The following PLEKHM3 variants were observed in gnomAD, a reference collection of about 807,000 sequenced individuals.
The protein encoded by PLEKHM3 is pleckstrin homology domain-containing family M member 3.
A neutral mutation model predicts 81.8 loss-of-function variants in PLEKHM3; 45 were observed. That is an observed-to-expected ratio of 0.55 (90% CI 0.43 to 0.71). PLEKHM3 has a LOEUF of 0.71. Ranked by LOEUF, PLEKHM3 falls within the 30% of genes least tolerant of loss-of-function variation. The pLI is 0.00. For missense variants in PLEKHM3, 788 were observed against 924.3 expected, an observed-to-expected ratio of 0.85 and a Z score of 1.91; for synonymous variants, 352 against 356.4, an observed-to-expected ratio of 0.99 and a Z score of 0.14.
At chr2:207,915,661 T>C (rs1357218175) in intron 5 of PLEKHM3, among the ~76,000 whole-genome samples, 1 of 152,160 alleles carries the variant, frequency 6.6e-6, no homozygotes, top group Non-Finnish European at 1.5e-5. Context: ...ACCCACAACA[T>C]ACACACATGT....
At chr2:207,980,518 T>A (rs1470423750) in intron 2 of PLEKHM3, among the ~76,000 whole-genome samples, 3 of 152,182 alleles carry the variant, frequency 2.0e-5, no homozygotes, top group Non-Finnish European at 4.4e-5. Flanking sequence ...TACATTAAAT[T>A]GAAACAGAAA....
intron 2 of PLEKHM3, among the ~76,000 whole-genome samples, chr2:207,978,464 C>CCT (rs1691401267): frequency 6.6e-6 from 1 of 152,072 alleles, no homozygotes; most frequent in Non-Finnish European, 1.5e-5. Flanking sequence ...TTTTATCTTC[C>CCT]CTCAGGTTGG....
At chr2:208,007,542 GC>G (rs1692536246) in intron 1 of PLEKHM3, among the ~76,000 whole-genome samples, 1 of 152,160 alleles carries the variant, frequency 6.6e-6, no homozygotes, top group South Asian at 2.1e-4. Context: ...TAGGTTTGAA[GC>G]AAACATTAAA....
rs1227652322 is a variant in PLEKHM3, at chr2:207,822,370, T to C, written c.*5949A>G. The stretch of plus-strand genomic sequence containing the variant: ...TAATTTTGAACCTGAAAAGGCTAAG[T>C]TCACTGACTTTACAGATTCAATTAT... On this transcript the variant is annotated 3_prime_UTR_variant, in exon 8 of 8. Coordinates refer to ENST00000427836, the MANE Select transcript of PLEKHM3 (RefSeq NM_001080475.3). 6.6e-6 allele frequency: 1 copy of C among 152,666 alleles called. No individual in the cohort carries two copies. Among genetic ancestry groups the C allele is most frequent in the East Asian group, 1.9e-4 (1 of 5,198 alleles). 9.5% of individuals were successfully genotyped at this position (152,666 alleles called of 1,614,324 possible).
intron 3 of PLEKHM3, among the ~76,000 whole-genome samples, chr2:207,963,420 A>G (rs1467808325): frequency 6.6e-6 from 1 of 152,226 alleles, no homozygotes; most frequent in Non-Finnish European, 1.5e-5. Context: ...GACACTGAAG[A>G]ATTGTAAAGA....
chr2:207,967,265 G>A (rs1426397654), intron 3 of PLEKHM3, among the ~76,000 whole-genome samples: 1 of 152,158 alleles, frequency 6.6e-6, no homozygotes, highest in Non-Finnish European at 1.5e-5. Context: ...AAAATGCTGA[G>A]ATTATTGACA....
Position 207,843,814 on chromosome 2 carries a change from G to A in PLEKHM3, c.2109-15318C>T, listed in dbSNP as rs1371177841. On this transcript the variant is annotated intron_variant, in intron 7 of 7. Coordinates refer to ENST00000427836, the MANE Select transcript of PLEKHM3 (RefSeq NM_001080475.3). This position sits in a 1 kb window ranked among gnomAD's most constrained non-coding sequence, Gnocchi z 4.4. ...GAAAAAAACGTGGAATTTGGGGCGG[G>A]AGTGGTGGCTCATGCCTGTAATCCC... Among the ~76,000 whole-genome samples the A allele has an allele frequency of 6.6e-6, 1 of 152,178 alleles. No individual in the cohort carries two copies. The highest frequency in any genetic ancestry group is 2.4e-5 in the African/African-American group (1 of 41,448).
chr2:207,965,601 C>A (rs531412053), intron 3 of PLEKHM3, among the ~76,000 whole-genome samples: 1 of 152,242 alleles, frequency 6.6e-6, no homozygotes, highest in South Asian at 2.1e-4. Flanking sequence ...ATAAAGTGAT[C>A]AAATCTCTTT....
intron 1 of PLEKHM3, among the ~76,000 whole-genome samples, chr2:208,021,747 G>A (rs938564582): frequency 1.3e-5 from 2 of 152,200 alleles, no homozygotes; most frequent in African/African-American, 2.4e-5. Flanking sequence ...GCACTGCCCC[G>A]TTGTGGCCCT....
At chr2:207,995,285 A>G (rs1692033581) in intron 2 of PLEKHM3, among the ~76,000 whole-genome samples, 1 of 152,200 alleles carries the variant, frequency 6.6e-6, no homozygotes, top group African/African-American at 2.4e-5. Flanking sequence ...GTTTTTCTGA[A>G]CCCATGATAG....
At chr2:207,943,242 T>C (rs1187150925) in intron 4 of PLEKHM3, among the ~76,000 whole-genome samples, 1 of 152,238 alleles carries the variant, frequency 6.6e-6, no homozygotes. Context: ...TATCCTGATT[T>C]AATTATTACA....
At chr2:207,934,972 T>C (rs538185448) in intron 4 of PLEKHM3, among the ~76,000 whole-genome samples, 65 of 152,320 alleles carry the variant, frequency 4.3e-4, no homozygotes, top group African/African-American at 1.5e-3. Flanking sequence ...AAGGGAATGT[T>C]TAACCATAGA....
intron 4 of PLEKHM3, among the ~76,000 whole-genome samples, chr2:207,943,673 C>T (rs1209072852): frequency 6.6e-6 from 1 of 151,756 alleles, no homozygotes; most frequent in Non-Finnish European, 1.5e-5. Context: ...TCGAGACCAT[C>T]CCGGCTAGAA....
chr2:207,921,695 G>A (rs1689188310), intron 5 of PLEKHM3, among the ~76,000 whole-genome samples: 1 of 152,090 alleles, frequency 6.6e-6, no homozygotes, highest in Non-Finnish European at 1.5e-5. Context: ...AGTGACCATT[G>A]TTCTACTCTC....
intron 1 of PLEKHM3, among the ~76,000 whole-genome samples, chr2:208,011,103 G>C (rs1692677223): frequency 6.6e-6 from 1 of 151,450 alleles, no homozygotes. Context: ...TGTTGGCGTG[G>C]ATGTGGTGAA....
At chr2:207,860,185 GTGTGT>G (rs1390385842) in intron 7 of PLEKHM3, among the ~76,000 whole-genome samples, 1 of 150,794 alleles carries the variant, frequency 6.6e-6, no homozygotes, top group African/African-American at 2.4e-5. Context: ...GTGTGTGTGT[GTGTGT>G]GTGTGTGTGT....
intron 1 of PLEKHM3, among the ~76,000 whole-genome samples, chr2:208,021,829 C>A (rs1432083734): frequency 6.6e-6 from 1 of 152,156 alleles, no homozygotes; most frequent in Non-Finnish European, 1.5e-5. Flanking sequence ...TTTTTCCCCA[C>A]CTAGCAATCA....
At chr2:207,846,073 C>A (rs1015074447) in intron 7 of PLEKHM3, among the ~76,000 whole-genome samples, 1 of 152,208 alleles carries the variant, frequency 6.6e-6, no homozygotes, top group Non-Finnish European at 1.5e-5. Context: ...AGAGTGGTGG[C>A]TTGTCAAAGG....
intron 2 of PLEKHM3, among the ~76,000 whole-genome samples, chr2:207,995,959 T>C (rs554419335): frequency 9.0e-4 from 137 of 152,248 alleles, no homozygotes; most frequent in Non-Finnish European, 1.6e-3. Flanking sequence ...CGTTATAAAA[T>C]TATCTCAAAT....
Sources: gnomAD v4.1 joint callset for allele counts (sites outside exome capture counted in the v4.1 genomes callset) on GRCh38, gnomAD v4.1.1 for gene constraint, Gnocchi (gnomAD v3.1) non-coding constraint, MANE v1.5 for transcripts, NCBI Gene and HGNC (gene_info 2026-07-23, HGNC 2026-07-21) for gene names.